Variants in TTC34 observed in about 807,000 individuals in gnomAD.
The protein encoded by TTC34 is tetratricopeptide repeat protein 34.
A neutral mutation model predicts 40.7 loss-of-function variants in TTC34; 44 were observed. The observed-to-expected ratio is 1.08, with a 90% CI of 0.85 to 1.39. TTC34 has a LOEUF of 1.39. TTC34 is among the 40% of genes most tolerant of loss of function. TTC34 has a pLI of 0.00. For synonymous variants in TTC34, 422 were observed against 398.6 expected, an observed-to-expected ratio of 1.06 and a Z score of -0.70; for missense variants, 884 against 838.0, an observed-to-expected ratio of 1.05 and a Z score of -0.68.
chr1:2,794,203 C>T (rs1643692274), intron 2 of TTC34, among the ~76,000 whole-genome samples: 1 of 151,938 alleles, frequency 6.6e-6, no homozygotes. Flanking sequence ...GACCAGTTCC[C>T]ACTATGTTGC....
In TTC34 at chr1:2,645,868, C is replaced by T. The variant is rs1639011276; in HGVS notation, c.2227-305G>A. On this transcript the variant is annotated intron_variant, in intron 6 of 8. Coordinates refer to ENST00000401095, the Ensembl canonical transcript of TTC34. The surrounding 1 kb of genome is among the most constrained non-coding windows in gnomAD (Gnocchi z 4.7). ...TGCTAATTTCCATCTCCTGAGGCTGCCTGCGGTCTGTGAGCCCTCCCTGGG... is the reference window on the plus strand; with the variant it reads ...TGCTAATTTCCATCTCCTGAGGCTGTCTGCGGTCTGTGAGCCCTCCCTGGG... 6.6e-6 allele frequency among the ~76,000 whole-genome samples: 1 copy of T among 152,136 alleles called. No individual in the cohort carries two copies. Among genetic ancestry groups the T allele is most frequent in the Non-Finnish European group, 1.5e-5 (1 of 68,026 alleles).
chr1:2,658,601 G>C (rs1639437339), intron 6 of TTC34, among the ~76,000 whole-genome samples: 4 of 78,772 alleles, frequency 5.1e-5, no homozygotes, highest in African/African-American at 1.5e-4. Context: ...GCGAGCATCT[G>C]ACAACCTGGA....
chr1:2,752,496 A>G (rs1641355646), intron 6 of TTC34, among the ~76,000 whole-genome samples: 1 of 143,782 alleles, frequency 7.0e-6, no homozygotes. Flanking sequence ...CCACACAGCC[A>G]GGTGAGCATC....
Position 2,687,159 on chromosome 1 carries a change from C to A in TTC34, c.2227-41596G>T, listed in dbSNP as rs1640399352. Among the ~76,000 whole-genome samples the A allele has an allele frequency of 2.1e-5, 3 of 144,750 alleles. 1 individual carries two copies. Among genetic ancestry groups the A allele is most frequent in the African/African-American group, 5.7e-5 (2 of 35,234 alleles). 95.0% of individuals were successfully genotyped at this position (144,750 alleles called of 152,430 possible). ...AGCATCTGACAGCCTGGAACAGTAC[C>A]CACACACACAGGCGAGCATCTGAAC... On this transcript the variant is annotated intron_variant, in intron 6 of 8. Transcript: ENST00000401095.
chr1:2,691,628 A>T (rs1348100811), intron 6 of TTC34, among the ~76,000 whole-genome samples: 1 of 118,606 alleles, frequency 8.4e-6, no homozygotes, highest in Non-Finnish European at 1.9e-5. Flanking sequence ...CTGCACCCCC[A>T]GGTGCGCACG....
chr1:2,750,405 C>T (rs1405725727), intron 6 of TTC34, among the ~76,000 whole-genome samples: 2 of 107,716 alleles, frequency 1.9e-5, no homozygotes, highest in Non-Finnish European at 3.6e-5. Context: ...GCACGCACAC[C>T]CCCAGGTGCG....
intron 6 of TTC34, among the ~76,000 whole-genome samples, chr1:2,780,853 T>G (rs182897525): frequency 2.5e-4 from 38 of 152,356 alleles, no homozygotes; most frequent in African/African-American, 7.7e-4. Context: ...TGGGTAATAC[T>G]GACGTCTTAC....
chr1:2,798,470 C>G (rs1406525708), intron 2 of TTC34, among the ~76,000 whole-genome samples: 2 of 105,348 alleles, frequency 1.9e-5, no homozygotes, highest in African/African-American at 4.0e-5. Flanking sequence ...AGCCTCCCAG[C>G]CTCTCAGCCT....
chr1:2,782,058 T>C (rs965115457), intron 6 of TTC34, among the ~76,000 whole-genome samples: 1 of 152,210 alleles, frequency 6.6e-6, no homozygotes, highest in Non-Finnish European at 1.5e-5. Flanking sequence ...CTTTGATTTT[T>C]TGGAAAAGTT....
In TTC34 at chr1:2,646,484, A is replaced by G. The variant is rs534279538; in HGVS notation, c.2227-921T>C. On this transcript the variant is annotated intron_variant, in intron 6 of 8. Transcript: ENST00000401095. ...ACTGCAACCTTGAGCTCCTGGGCTT[A>G]AGTGATCCTCCCACTTCTGCCTCCG... Among the ~76,000 whole-genome samples the G allele has an allele frequency of 3.3e-5, 5 of 152,324 alleles. No homozygotes were observed. In the South Asian group the frequency reaches 1.0e-3, roughly 32 times the overall value.
intron 6 of TTC34, among the ~76,000 whole-genome samples, chr1:2,759,972 G>A (rs1641641678): frequency 7.1e-6 from 1 of 141,644 alleles, no homozygotes; most frequent in Non-Finnish European, 1.5e-5. Context: ...CACCAGGTGA[G>A]CATCTGATGG....
exon 4 of TTC34, chr1:2,787,597 C>T: frequency 6.5e-7 from 1 of 1,549,572 alleles, no homozygotes; most frequent in Non-Finnish European, 8.7e-7. Context: ...TGGGTCTCCT[C>T]CAGGCGGCCC....
At position 2,751,959 on chromosome 1, in the gene TTC34, A is replaced by G. The variant is rs1316569690; in HGVS notation, c.2226+31650T>C. The stretch of plus-strand genomic sequence containing the variant: ...AGGTGAACATCGGAGAGTCTGGAGC[A>G]GCGCCCACACCCCCAGGCGAGCATT... On this transcript the variant is annotated intron_variant, in intron 6 of 8. Coordinates refer to ENST00000401095, the Ensembl canonical transcript of TTC34. Among the ~76,000 whole-genome samples the G allele has an allele frequency of 2.6e-3, 307 of 117,136 alleles. 65 individuals carry two copies. Among genetic ancestry groups the G allele is most frequent in the African/African-American group, 0.011 (291 of 25,738 alleles). The allele number at this position is 117,136 out of a possible 152,430, so 76.8% of individuals were successfully genotyped here.
exon 3 of TTC34, chr1:2,789,538 C>T (rs780889122): frequency 6.7e-7 from 1 of 1,500,848 alleles, no homozygotes; most frequent in South Asian, 1.2e-5. Context: ...TCTCTGCGGC[C>T]TCCCTCCGGC....
chr1:2,777,698 G>C (rs77836020), intron 6 of TTC34, among the ~76,000 whole-genome samples: 2 of 150,862 alleles, frequency 1.3e-5, no homozygotes, highest in Admixed American at 6.6e-5. Context: ...TGGGGGGGGG[G>C]GCGCAGCATC....
chr1:2,756,275 G>C (rs1401858296), intron 6 of TTC34, among the ~76,000 whole-genome samples: 3 of 56,894 alleles, frequency 5.3e-5, no homozygotes, highest in Non-Finnish European at 9.1e-5. Flanking sequence ...ACGCCCAGGT[G>C]AGCATCCGAC....
chr1:2,767,919 C>T (rs1414266486), intron 6 of TTC34, among the ~76,000 whole-genome samples: 1 of 146,232 alleles, frequency 6.8e-6, no homozygotes, highest in African/African-American at 2.5e-5. Flanking sequence ...CCAGAACCTG[C>T]ACCACACACC....
intron 6 of TTC34, among the ~76,000 whole-genome samples, chr1:2,694,866 C>A (rs551787242): frequency 8.9e-6 from 1 of 112,520 alleles, no homozygotes; most frequent in African/African-American, 3.2e-5. Context: ...GGAGCAGCAC[C>A]CACAACCACA....
intron 6 of TTC34, among the ~76,000 whole-genome samples, chr1:2,684,537 T>C (rs77650284): frequency 1.6e-3 from 64 of 40,814 alleles, no homozygotes; most frequent in African/African-American, 3.2e-3. Flanking sequence ...GCATCCGACA[T>C]CCTGAAACAG....
Sources: gnomAD v4.1 joint callset for allele counts (sites outside exome capture counted in the v4.1 genomes callset) on GRCh38, gnomAD v4.1.1 for gene constraint, Gnocchi (gnomAD v3.1) non-coding constraint, MANE v1.5 for transcripts, NCBI Gene and HGNC (gene_info 2026-07-23, HGNC 2026-07-21) for gene names.